DACH2: variants seen among roughly 807,000 people sequenced by gnomAD.
DACH2 encodes the protein dachshund family transcription factor 2.
Under a neutral mutation model 35.8 loss-of-function variants are expected in DACH2, and 17 were observed. The ratio of observed to expected loss-of-function variants is 0.48; its 90% CI spans 0.33 to 0.71. The LOEUF is 0.71. Among genes scored for constraint, DACH2 ranks in the 30% least tolerant of loss-of-function variants. DACH2 has a pLI of 0.02. For synonymous variants in DACH2, 195 were observed against 177.3 expected (o/e 1.10, Z -0.79); for missense variants, 469 against 472.7 (o/e 0.99, Z 0.07).
At chrX:86,427,244 A>G (rs1223202627) in intron 2 of DACH2, among the ~76,000 whole-genome samples, 1 of 111,397 alleles carries the variant, frequency 9.0e-6, no homozygotes, top group Non-Finnish European at 1.9e-5. Flanking sequence ...ATTGGGTCAC[A>G]AAGCATTGTT....
chrX:86,153,979 G>A (rs1020804907), intron 1 of DACH2, among the ~76,000 whole-genome samples: 3 of 111,411 alleles, frequency 2.7e-5, no homozygotes, highest in Non-Finnish European at 5.7e-5. Context: ...GCACATGAAT[G>A]TCAATAAATA....
At chrX:86,321,736 T>A (rs1221843144) in intron 1 of DACH2, among the ~76,000 whole-genome samples, 1 of 112,077 alleles carries the variant, frequency 8.9e-6, no homozygotes, top group Non-Finnish European at 1.9e-5. Flanking sequence ...TCAGCTGCAG[T>A]GAGGGTTTGG....
At chrX:86,824,212 C>T (rs914625026) in intron 11 of DACH2, among the ~76,000 whole-genome samples, 11 of 110,633 alleles carry the variant, frequency 9.9e-5, no homozygotes, top group African/African-American at 3.0e-4. Flanking sequence ...TTATAGACCT[C>T]CCCCCAGGAA....
At chrX:86,562,599 A>G (rs979079356) in intron 3 of DACH2, among the ~76,000 whole-genome samples, 1 of 111,695 alleles carries the variant, frequency 9.0e-6, no homozygotes, top group Non-Finnish European at 1.9e-5. Context: ...ACATACATAA[A>G]TTCACCAAAT....
intron 2 of DACH2, among the ~76,000 whole-genome samples, chrX:86,501,345 C>G (rs1454228765): frequency 9.0e-6 from 1 of 111,457 alleles, no homozygotes; most frequent in Non-Finnish European, 1.9e-5. Context: ...AGTTTACACT[C>G]TTTCATGGCT....
In DACH2 at chrX:86,163,218, G is replaced by T. The variant is rs1281166981; in HGVS notation, c.488+14110G>T. Among the ~76,000 whole-genome samples the T allele has an allele frequency of 2.7e-5, 3 of 109,791 alleles. No individual in the cohort carries two copies. The South Asian group carries it at 1.2e-3, about 43-fold the overall frequency. On this transcript the variant is annotated intron_variant, in intron 1 of 11. Coordinates refer to ENST00000373125, the MANE Select transcript of DACH2 (RefSeq NM_053281.3). ...CCTTCACTATTCTTCCAAACCTCTGGTAACCATCCTTCTACTTTCTGTGTT... is the reference window on the plus strand; with the variant it reads ...CCTTCACTATTCTTCCAAACCTCTGTTAACCATCCTTCTACTTTCTGTGTT...
chrX:86,768,492 A>G (rs2041957073), intron 7 of DACH2, among the ~76,000 whole-genome samples: 1 of 111,548 alleles, frequency 9.0e-6, no homozygotes, highest in African/African-American at 3.3e-5. Flanking sequence ...ACTATGAATT[A>G]TCTCATCATG....
chrX:86,431,977 A>G (rs997633504), intron 2 of DACH2, among the ~76,000 whole-genome samples: 9 of 112,242 alleles, frequency 8.0e-5, no homozygotes, highest in Non-Finnish European at 1.7e-4. Flanking sequence ...TTACAGTCTC[A>G]GTAAAAAAAT....
At chrX:86,251,313 TTC>T (rs1188426840) in intron 1 of DACH2, among the ~76,000 whole-genome samples, 4 of 111,568 alleles carry the variant, frequency 3.6e-5, no homozygotes, top group Admixed American at 2.9e-4. Flanking sequence ...GTTTGGAATC[TTC>T]TCTGTTATTT....
At chrX:86,224,659 A>G (rs991650590) in intron 1 of DACH2, among the ~76,000 whole-genome samples, 1 of 111,602 alleles carries the variant, frequency 9.0e-6, no homozygotes, top group Non-Finnish European at 1.9e-5. Context: ...AGAGGAAGAA[A>G]TTTTGTGAAA....
intron 1 of DACH2, among the ~76,000 whole-genome samples, chrX:86,213,932 G>T (rs770716328): frequency 9.0e-6 from 1 of 110,903 alleles, no homozygotes; most frequent in East Asian, 2.8e-4. Context: ...CTTAAGAATT[G>T]TGTATAGCAT....
intron 1 of DACH2, among the ~76,000 whole-genome samples, chrX:86,277,997 GACA>G (rs1300720703): frequency 4.5e-5 from 5 of 111,606 alleles, no homozygotes; most frequent in African/African-American, 1.3e-4. Flanking sequence ...GTGGATTTTA[GACA>G]ACAACTGGAG....
Position 86,755,593 on chromosome X carries a change from A to ATTTT in DACH2, c.1240+15730_1240+15733dup, listed in dbSNP as rs35672351. Among the ~76,000 whole-genome samples, 13 of 77,620 alleles carry ATTTT rather than the reference A, an allele frequency of 1.7e-4. No homozygotes were observed. In the East Asian group the frequency reaches 2.6e-3, roughly 15 times the overall value. The allele number at this position is 77,620 out of a possible 115,157, so 67.4% of individuals were successfully genotyped here. A position where few individuals can be genotyped will look rare whatever the true frequency, so the allele number is the denominator to read the frequency against. ...AAAGGCTTTAATCCGTCTTGACCTAATTTTTTTTTTTTTTTTTTTTTTGAT... is the reference window on the plus strand; with the variant it reads ...AAAGGCTTTAATCCGTCTTGACCTAATTTTTTTTTTTTTTTTTTTTTTTTTTGAT... On this transcript the variant is annotated intron_variant, in intron 7 of 11. Coordinates refer to ENST00000373125, the MANE Select transcript of DACH2 (RefSeq NM_053281.3).
chrX:86,300,602 G>A lies in DACH2; in HGVS notation c.489-76222G>A, dbSNP rs994135335. Among the ~76,000 whole-genome samples the A allele has an allele frequency of 9.8e-4, 108 of 110,379 alleles. 1 individual carries two copies. Among genetic ancestry groups the A allele is most frequent in the Non-Finnish European group, 1.8e-3 (97 of 52,895 alleles). ...TCTAATGTAAATGATGAGTTAATGG[G>A]TGCAGCACACCAACATGGCACATGT... On this transcript the variant is annotated intron_variant, in intron 1 of 11. Transcript: ENST00000373125.
chrX:86,452,972 CTT>C (rs1410657111), intron 2 of DACH2, among the ~76,000 whole-genome samples: 1 of 111,413 alleles, frequency 9.0e-6, no homozygotes, highest in Non-Finnish European at 1.9e-5. Flanking sequence ...AAATTTCCCT[CTT>C]AACACTTTTT....
chrX:86,714,707 C>A lies in DACH2; in HGVS notation c.1091C>A (p.Thr364Asn). The A allele has an allele frequency of 8.5e-7, 1 of 1,173,589 alleles. No individual in the cohort carries two copies. The change falls in exon 6 of 12, where the codon ACC (threonine) becomes AAC (asparagine). Residue 364 changes from threonine to asparagine, a missense_variant. Thr to Asn is a moderately conservative substitution (Grantham distance 65). This residue lies in a region of DACH2 where 363 missense variants were observed against 334.4 expected (regional missense o/e 1.09). Transcript: ENST00000373125. Reference sequence around the variant, plus strand: ...CACAGTCCACTCTCCAGAGCTGGTACCTCTGTTATAAAGGTAAGAATCGTG... The same window carrying A: ...CACAGTCCACTCTCCAGAGCTGGTAACTCTGTTATAAAGGTAAGAATCGTG... ...QIHSPLSRAG[T>N]SVIKERIPES... is the part of the protein sequence containing the mutation.
At chrX:86,623,921 G>GC (rs1187762821) in intron 3 of DACH2, among the ~76,000 whole-genome samples, 1 of 101,730 alleles carries the variant, frequency 9.8e-6, no homozygotes, top group Non-Finnish European at 2.0e-5. Flanking sequence ...GGTGGCGCGT[G>GC]CCTGTAGTCC....
intron 7 of DACH2, among the ~76,000 whole-genome samples, chrX:86,758,105 A>G (rs1195709271): frequency 1.8e-5 from 2 of 111,554 alleles, no homozygotes; most frequent in African/African-American, 6.5e-5. Context: ...TAATGTTAAT[A>G]TGTCATTTCT....
chrX:86,494,498 T>C (rs1360213905), intron 2 of DACH2, among the ~76,000 whole-genome samples: 2 of 112,530 alleles, frequency 1.8e-5, no homozygotes, highest in African/African-American at 6.5e-5. Flanking sequence ...TTTTTAAATA[T>C]GGGAGTTACA....
Sources: gnomAD v4.1 joint callset for allele counts (sites outside exome capture counted in the v4.1 genomes callset) on GRCh38, gnomAD v4.1.1 for gene constraint, gnomAD v4.1.1 regional missense constraint, MANE v1.5 for transcripts, NCBI Gene and HGNC (gene_info 2026-07-23, HGNC 2026-07-21) for gene names.